Variants in TAF4B observed in about 807,000 individuals in gnomAD.
The protein encoded by TAF4B is TATA-box binding protein associated factor 4b.
Under a neutral mutation model 86.4 loss-of-function variants are expected in TAF4B, and 38 were observed. The ratio of observed to expected loss-of-function variants is 0.44; its 90% confidence interval spans 0.34 to 0.58. The LOEUF (loss-of-function observed/expected upper bound fraction) is 0.58. Ranked by LOEUF, TAF4B falls within the 20% of genes least tolerant of loss-of-function variation. The pLI is 0.02. For missense variants in TAF4B, 988 were observed against 1,027.6 expected (o/e 0.96, Z 0.53); for synonymous variants, 388 against 391.2 (o/e 0.99, Z 0.10).
intron 9 of TAF4B, among the ~76,000 whole-genome samples, chr18:26,313,467 A>G (rs1049244533): frequency 3.3e-5 from 5 of 152,250 alleles, no homozygotes; most frequent in African/African-American, 7.2e-5. Context: ...TTAGCATCCC[A>G]TGTCTCTGAG....
rs1025249347 is a variant in TAF4B, at chr18:26,391,299, A to G, written c.*1287A>G. ...AGTTAGAATCACATACAGAAAAAAA[A>G]TGATTGAATCCTCCAAGAAGGTATT... On this transcript the variant is annotated 3_prime_UTR_variant, in exon 15 of 15. Coordinates refer to ENST00000269142, the MANE Select transcript of TAF4B (RefSeq NM_005640.3). The G allele has an allele frequency of 3.3e-5, 5 of 151,874 alleles. No individual in the cohort carries two copies. The highest frequency in any genetic ancestry group is 2.6e-4 in the Admixed American group (4 of 15,256). The allele number at this position is 151,874 out of a possible 1,614,324, so 9.4% of individuals were successfully genotyped here. A position where few individuals can be genotyped will look rare whatever the true frequency, so the allele number is the denominator to read the frequency against.
At chr18:26,368,037 G>C (rs544717476) in intron 14 of TAF4B, among the ~76,000 whole-genome samples, 1 of 152,118 alleles carries the variant, frequency 6.6e-6, no homozygotes, top group Non-Finnish European at 1.5e-5. Context: ...AAAGGTCAAA[G>C]TTCTGTTTTT....
Position 26,227,209 on chromosome 18 carries a change from G to T in TAF4B, c.276G>T (p.Gln92His), listed in dbSNP as rs780195768. 23 of 1,613,890 alleles carry T rather than the reference G, an allele frequency of 1.4e-5. No individual in the cohort carries two copies. The highest frequency in any genetic ancestry group is 1.8e-5 in the Non-Finnish European group (21 of 1,179,982). Residue 92 changes from glutamine (Q) to histidine (H), a missense_variant, in exon 1 of 15, where the codon CAG (glutamine) becomes CAT (histidine). This residue lies in a region of TAF4B where 747 missense variants were observed against 737.9 expected (regional missense o/e 1.01). Transcript: ENST00000269142. The part of the protein sequence containing the change: ...VSSGPRLPAP[Q>H]IVAVKAPNTT... ...GCGGCCCTAGGCTGCCTGCTCCTCA[G>T]ATAGTCGCCGTGAAAGCCCCCAACA...
intron 14 of TAF4B, among the ~76,000 whole-genome samples, chr18:26,364,252 T>C (rs953688340): frequency 1.3e-5 from 2 of 152,180 alleles, no homozygotes; most frequent in African/African-American, 4.8e-5. Flanking sequence ...GAATAAGATA[T>C]TTATACCATA....
chr18:26,334,523 T>C (rs1416152996), intron 12 of TAF4B, among the ~76,000 whole-genome samples: 2 of 152,184 alleles, frequency 1.3e-5, no homozygotes, highest in African/African-American at 4.8e-5. Context: ...CCATCATAGC[T>C]TGATACATAG....
chr18:26,359,780 A>G (rs892586675), intron 14 of TAF4B, among the ~76,000 whole-genome samples: 5 of 152,082 alleles, frequency 3.3e-5, no homozygotes, highest in Admixed American at 1.3e-4. Flanking sequence ...GAGTGGCACA[A>G]TCTTGGCTCA....
rs1598730495 is a variant in TAF4B at position 26,256,047 on chromosome 18, T to A, written c.344-9123T>A. The A allele has an allele frequency of 1.2e-5, 16 of 1,296,864 alleles. No homozygotes were observed. In the East Asian group the frequency reaches 3.7e-4, roughly 30 times the overall value. 80.3% of individuals were successfully genotyped at this position (1,296,864 alleles called of 1,614,324 possible). ...TTCTGCAGTTTACTGATATGGTTGC[T>A]CTTTATCTTGTTCCCAGATAGAGTC... On this transcript the variant is annotated intron_variant, in intron 1 of 14. Coordinates refer to ENST00000269142, the MANE Select transcript of TAF4B (RefSeq NM_005640.3).
chr18:26,228,021 G>T (rs957698970), intron 1 of TAF4B, among the ~76,000 whole-genome samples: 1 of 152,208 alleles, frequency 6.6e-6, no homozygotes, highest in Non-Finnish European at 1.5e-5. Context: ...TCATGCAATT[G>T]TTACAGTTGC....
intron 11 of TAF4B, among the ~76,000 whole-genome samples, chr18:26,324,273 A>G (rs1447772920): frequency 1.3e-5 from 2 of 152,158 alleles, no homozygotes; most frequent in African/African-American, 4.8e-5. Flanking sequence ...TGTTTCAGAG[A>G]TACATGAATA....
rs754578029 is a variant in TAF4B at position 26,227,026 on chromosome 18, G to T, written c.93G>T (p.Leu31=). Residue 31 remains leucine (L), a synonymous_variant, in exon 1 of 15, where the codon CTG becomes CTT. Coordinates refer to ENST00000269142, the MANE Select transcript of TAF4B (RefSeq NM_005640.3). ...GTVTMAPAGA[L]PVRVESTPVA... ...TGACCATGGCCCCGGCCGGGGCGCT[G>T]CCGGTGCGGGTGGAGAGCACTCCGG... 1.4e-4 allele frequency: 206 copies of T among 1,492,454 alleles called. No homozygotes were observed. Among genetic ancestry groups the T allele is most frequent in the Non-Finnish European group, 1.7e-4 (190 of 1,135,264 alleles). The allele number at this position is 1,492,454 out of a possible 1,614,324, so 92.5% of individuals were successfully genotyped here.
intron 1 of TAF4B, among the ~76,000 whole-genome samples, chr18:26,258,063 G>A (rs560135740): frequency 1.3e-5 from 2 of 152,168 alleles, no homozygotes; most frequent in South Asian, 4.1e-4. Flanking sequence ...AGACCATCCT[G>A]GCCAACATGG....
In TAF4B at chr18:26,380,584, G is replaced by A. The variant is rs116009311; in HGVS notation, c.2422-9261G>A. The stretch of plus-strand genomic sequence containing the variant: ...TTGCCTCCTTCTGTCCTTGCGAATT[G>A]ATCTTCCTTTCTAGTAATATTCCTT... On this transcript the variant is annotated intron_variant, in intron 14 of 14. Coordinates refer to ENST00000269142, the MANE Select transcript of TAF4B (RefSeq NM_005640.3). Among the ~76,000 whole-genome samples, 213 of 152,168 alleles carry A rather than the reference G, an allele frequency of 1.4e-3. 2 individuals carry two copies. The highest frequency in any genetic ancestry group is 4.9e-3 in the African/African-American group (203 of 41,532).
chr18:26,338,770 G>A (rs76294512), intron 13 of TAF4B, among the ~76,000 whole-genome samples: 11,512 of 152,150 alleles, frequency 0.076, 539 homozygotes, highest in Non-Finnish European at 0.1. Context: ...GAGCCACTAC[G>A]CCTGGATCAT....
intron 13 of TAF4B, among the ~76,000 whole-genome samples, chr18:26,346,889 ATATATATATATGTGTGTG>A (rs1463971353): frequency 0.027 from 408 of 15,300 alleles, 80 homozygotes; most frequent in Middle Eastern, 0.067. Context: ...ATATATATAT[ATATATATATATGTGTGTG>A]TATATATATA....
chr18:26,290,904 A>AT (rs2056583491), intron 7 of TAF4B, among the ~76,000 whole-genome samples: 1 of 152,216 alleles, frequency 6.6e-6, no homozygotes, highest in Non-Finnish European at 1.5e-5. Context: ...ACTTTGTAAA[A>AT]TGTAAGCCTG....
chr18:26,271,938 A>AG, intron 3 of TAF4B, among the ~76,000 whole-genome samples: 1 of 151,898 alleles, frequency 6.6e-6, no homozygotes, highest in East Asian at 1.9e-4. Flanking sequence ...AAAAAAAAAA[A>AG]AAAAAGACAC....
chr18:26,232,548 A>G (rs1272225373), intron 1 of TAF4B, among the ~76,000 whole-genome samples: 3 of 152,196 alleles, frequency 2.0e-5, no homozygotes, highest in Non-Finnish European at 4.4e-5. Flanking sequence ...CAGGACCTAG[A>G]AAGGGGAGAA....
At chr18:26,345,539 C>T (rs1041653526) in intron 13 of TAF4B, among the ~76,000 whole-genome samples, 7 of 152,216 alleles carry the variant, frequency 4.6e-5, no homozygotes, top group African/African-American at 1.7e-4. Flanking sequence ...ACTGCACCAC[C>T]TCCACCACAA....
intron 10 of TAF4B, 56 bp downstream of exon 10, chr18:26,315,454 A>G (rs995874092): frequency 5.7e-6 from 8 of 1,406,530 alleles, no homozygotes; most frequent in Non-Finnish European, 6.7e-6. Context: ...GAGGGAAAAT[A>G]TTATCAAAAG....
Sources: gnomAD v4.1 joint callset for allele counts (sites outside exome capture counted in the v4.1 genomes callset) on GRCh38, gnomAD v4.1.1 for gene constraint, gnomAD v4.1.1 regional missense constraint, MANE v1.5 for transcripts, NCBI Gene and HGNC (gene_info 2026-07-23, HGNC 2026-07-21) for gene names.